Variants in PKIB observed in about 807,000 individuals in gnomAD.
PKIB encodes cAMP-dependent protein kinase inhibitor beta.
In PKIB, 2 loss-of-function variants were observed where a neutral mutation model predicts 4.5. The observed-to-expected ratio is 0.44, with a 90% CI of 0.18 to 1.39. The LOEUF is 1.39. Ranked by LOEUF, PKIB falls within the 40% of genes most tolerant of loss-of-function variation. The pLI is 0.27. For synonymous variants in PKIB, 38 were observed against 36.0 expected, an observed-to-expected ratio of 1.06 and a Z score of -0.20; for missense variants, 94 against 92.6, an observed-to-expected ratio of 1.02 and a Z score of -0.06.
intron 3 of PKIB, among the ~76,000 whole-genome samples, chr6:122,704,970 GCTTT>G (rs1428912564): frequency 4.6e-5 from 7 of 152,112 alleles, no homozygotes; most frequent in African/African-American, 1.7e-4. Flanking sequence ...ACAGGACATT[GCTTT>G]TAGCTCAAAC....
intron 2 of PKIB, among the ~76,000 whole-genome samples, chr6:122,490,215 T>C (rs1775899618): frequency 6.6e-6 from 1 of 152,234 alleles, no homozygotes; most frequent in African/African-American, 2.4e-5. Flanking sequence ...TTGTAGCTTT[T>C]GAATAATTTC....
intron 2 of PKIB, among the ~76,000 whole-genome samples, chr6:122,540,336 C>T (rs182695629): frequency 0.039 from 5,947 of 151,972 alleles, 163 homozygotes; most frequent in Non-Finnish European, 0.063. Flanking sequence ...AAATTTCCCT[C>T]TACACACTGC....
At chr6:122,671,244 A>G (rs576686872) in intron 2 of PKIB, among the ~76,000 whole-genome samples, 1 of 151,912 alleles carries the variant, frequency 6.6e-6, no homozygotes, top group South Asian at 2.1e-4. Context: ...GTGAGCCAAA[A>G]TTGCGCCACT....
chr6:122,698,861 C>G (rs1306117640), intron 3 of PKIB, among the ~76,000 whole-genome samples: 1 of 152,152 alleles, frequency 6.6e-6, no homozygotes, highest in Non-Finnish European at 1.5e-5. Context: ...GGGTTAATAC[C>G]TGTTTTTTGA....
At chr6:122,651,749 G>A (rs190522722) in intron 2 of PKIB, among the ~76,000 whole-genome samples, 8 of 152,230 alleles carry the variant, frequency 5.3e-5, no homozygotes, top group African/African-American at 1.9e-4. Context: ...ATTTGCTTTT[G>A]GGCAGACACA....
chr6:122,656,545 T>C (rs1282831873), intron 2 of PKIB, among the ~76,000 whole-genome samples: 4 of 152,204 alleles, frequency 2.6e-5, no homozygotes, highest in Admixed American at 6.5e-5. Context: ...TTTGTCCCCA[T>C]TCATGCCACA....
At chr6:122,507,753 G>A (rs1776456954) in intron 2 of PKIB, among the ~76,000 whole-genome samples, 1 of 151,392 alleles carries the variant, frequency 6.6e-6, no homozygotes, top group African/African-American at 2.4e-5. Flanking sequence ...TTTTTTTCTG[G>A]GGAAATACAA....
chr6:122,621,362 A>G (rs1168794700), intron 1 of PKIB, among the ~76,000 whole-genome samples: 3 of 152,188 alleles, frequency 2.0e-5, no homozygotes, highest in Non-Finnish European at 2.9e-5. Context: ...AGGTCTGAGG[A>G]GATCAGGTTG....
chr6:122,651,845 G>T (rs931033597), intron 2 of PKIB, among the ~76,000 whole-genome samples: 3 of 152,176 alleles, frequency 2.0e-5, no homozygotes, highest in Non-Finnish European at 2.9e-5. Context: ...CCATAGTACA[G>T]TTGGCAGCAA....
intron 2 of PKIB, among the ~76,000 whole-genome samples, chr6:122,530,033 T>C (rs1454794607): frequency 1.3e-5 from 2 of 152,020 alleles, no homozygotes; most frequent in African/African-American, 4.8e-5. Context: ...CTCCCCCTTC[T>C]TTCTCTCCTC....
At chr6:122,479,202 T>C (rs1775533671) in intron 2 of PKIB, 1 of 152,186 alleles carries the variant, frequency 6.6e-6, no homozygotes, top group African/African-American at 2.4e-5. Context: ...CCATCTTGAC[T>C]AATTGCAAGA....
intron 2 of PKIB, among the ~76,000 whole-genome samples, chr6:122,649,971 T>C (rs577646282): frequency 7.2e-5 from 11 of 152,184 alleles, no homozygotes; most frequent in African/African-American, 2.7e-4. Flanking sequence ...CATGGCAGCT[T>C]GGACTTGTTA....
chr6:122,699,112 G>A (rs1180376968), intron 3 of PKIB, among the ~76,000 whole-genome samples: 1 of 152,150 alleles, frequency 6.6e-6, no homozygotes, highest in Non-Finnish European at 1.5e-5. Context: ...AAGACTGTGT[G>A]CAGTAGCAAG....
chr6:122,714,612 C>T lies in PKIB; in HGVS notation c.-8-3175C>T, dbSNP rs143181361. 5.0e-4 allele frequency among the ~76,000 whole-genome samples: 76 copies of T among 152,262 alleles called. 1 individual carries two copies. The highest frequency in any genetic ancestry group is 1.7e-3 in the African/African-American group (70 of 41,542). On this transcript the variant is annotated intron_variant, in intron 3 of 4. Coordinates refer to ENST00000368452, the MANE Select transcript of PKIB (RefSeq NM_181795.3). ...CCCAGAATTTCTTTTTCCATGCTGA[C>T]GGCCCACTCCAAGGGCCACTTTTTA...
chr6:122,687,224 A>G (rs1274590483), intron 3 of PKIB, among the ~76,000 whole-genome samples: 3 of 152,146 alleles, frequency 2.0e-5, no homozygotes, highest in African/African-American at 2.4e-5. Context: ...TGAAGAGACT[A>G]TCTTTTCCTT....
chr6:122,678,970 G>A (rs1048782136), intron 3 of PKIB, among the ~76,000 whole-genome samples: 3 of 152,206 alleles, frequency 2.0e-5, no homozygotes, highest in East Asian at 1.9e-4. Flanking sequence ...ACTGCAACAC[G>A]TGGCGGGAGG....
At chr6:122,547,709 C>T (rs1454783757) in intron 2 of PKIB, among the ~76,000 whole-genome samples, 1 of 152,208 alleles carries the variant, frequency 6.6e-6, no homozygotes, top group Non-Finnish European at 1.5e-5. Context: ...CACTCCCACG[C>T]ACAGCTGCAT....
chr6:122,671,630 C>A (rs1389867246), intron 2 of PKIB, among the ~76,000 whole-genome samples: 1 of 152,128 alleles, frequency 6.6e-6, no homozygotes, highest in African/African-American at 2.4e-5. Context: ...GTCACTGAAC[C>A]AGGTGAGATA....
intron 2 of PKIB, chr6:122,479,482 A>C (rs773680069): frequency 3.3e-5 from 5 of 152,224 alleles, no homozygotes; most frequent in Non-Finnish European, 5.9e-5. Context: ...TTTTCTTTTT[A>C]GTCAGATCAG....
Sources: allele counts gnomAD v4.1 joint callset (sites outside exome capture counted in the v4.1 genomes callset), GRCh38; gene constraint gnomAD v4.1.1; transcripts MANE v1.5; gene names NCBI Gene and HGNC (gene_info 2026-07-23, HGNC 2026-07-21).